DNAH3: variants seen among roughly 807,000 people sequenced by gnomAD.
The protein encoded by DNAH3 is axonemal beta dynein heavy chain 3.
Under a neutral mutation model 432.5 loss-of-function variants are expected in DNAH3, and 332 were observed. That is an observed-to-expected ratio of 0.77 (90% confidence interval 0.70 to 0.84). The LOEUF (loss-of-function observed/expected upper bound fraction) is 0.84, where lower values mean the gene tolerates loss of function less well. Ranked by LOEUF, DNAH3 falls within the 40% of genes least tolerant of loss-of-function variation. The pLI is 0.00. For synonymous variants in DNAH3, 1,956 were observed against 1,900.2 expected (o/e 1.03, Z -0.76); for missense variants, 4,861 against 5,114.0 (o/e 0.95, Z 1.51).
chr16:20,987,327 C>T, exon 47 of DNAH3: 1 of 1,614,158 alleles, frequency 6.2e-7, no homozygotes, highest in Non-Finnish European at 8.5e-7. Context: ...CTGCTTGAAG[C>T]AATTGGAGGT....
At chr16:21,105,143 G>A (rs778896080) in intron 15 of DNAH3, among the ~76,000 whole-genome samples, 1 of 152,088 alleles carries the variant, frequency 6.6e-6, no homozygotes, top group Non-Finnish European at 1.5e-5. Context: ...GAGAGTCCAC[G>A]GTGTATCCAG....
At chr16:21,093,307 A>G (rs2091590319) in intron 18 of DNAH3, among the ~76,000 whole-genome samples, 2 of 152,244 alleles carry the variant, frequency 1.3e-5, no homozygotes, top group Non-Finnish European at 2.9e-5. Flanking sequence ...GTGAAATTCA[A>G]AAACATACAT....
intron 20 of DNAH3, among the ~76,000 whole-genome samples, chr16:21,080,044 C>T (rs561323828): frequency 6.6e-6 from 1 of 152,310 alleles, no homozygotes; most frequent in East Asian, 1.9e-4. Flanking sequence ...CGCCTGTAAT[C>T]CCAGCACTTT....
chr16:20,952,396 T>C (rs773294333), intron 56 of DNAH3, 37 bp downstream of exon 56: 29 of 1,260,530 alleles, frequency 2.3e-5, no homozygotes, highest in Admixed American at 1.7e-4. Context: ...AACATGATAC[T>C]GGAGGTTTAC....
intron 49 of DNAH3, among the ~76,000 whole-genome samples, chr16:20,980,279 A>G (rs1567572074): frequency 1.5e-5 from 2 of 137,896 alleles, no homozygotes; most frequent in Non-Finnish European, 3.1e-5. Flanking sequence ...AATATACATC[A>G]TATATTATAA....
chr16:21,099,388 A>T (rs1186151543), intron 16 of DNAH3, among the ~76,000 whole-genome samples: 2 of 152,220 alleles, frequency 1.3e-5, no homozygotes, highest in Non-Finnish European at 2.9e-5. Flanking sequence ...AAGAAAATAA[A>T]ATAGGGCAGA....
Position 20,991,328 on chromosome 16 carries a change from C to G in DNAH3, c.6602-3263G>C, listed in dbSNP as rs1296410930. Among the ~76,000 whole-genome samples the G allele has an allele frequency of 3.9e-5, 6 of 152,006 alleles. No individual in the cohort carries two copies. In the East Asian group the frequency reaches 1.2e-3, roughly 29 times the overall value. On this transcript the variant is annotated intron_variant, in intron 44 of 61. Transcript: ENST00000261383. The stretch of plus-strand genomic sequence containing the variant: ...TTGCACAGTCTAGAGTGCAGTGGCA[C>G]GATCTCGGCTCACAGCAACCTCCAC...
intron 31 of DNAH3, among the ~76,000 whole-genome samples, chr16:21,043,448 T>G (rs330146): frequency 8.4e-6 from 1 of 119,540 alleles, no homozygotes; most frequent in Non-Finnish European, 1.7e-5. Flanking sequence ...TTTCATGTGT[T>G]TTTTGGCTGC....
exon 53 of DNAH3, chr16:20,964,984 G>T: frequency 1.2e-6 from 2 of 1,614,038 alleles, no homozygotes; most frequent in South Asian, 1.1e-5. Context: ...CAGTTTCTCT[G>T]CCCTGACCAG....
At chr16:20,949,307 A>G (rs913934790) in intron 56 of DNAH3, among the ~76,000 whole-genome samples, 6 of 151,288 alleles carry the variant, frequency 4.0e-5, no homozygotes, top group African/African-American at 1.5e-4. Flanking sequence ...AGCCTGGGCA[A>G]CAAGAGCGAA....
intron 23 of DNAH3, 147 bp downstream of exon 23, chr16:21,069,265 TAAC>T (rs1266670845): frequency 4.0e-6 from 3 of 741,380 alleles, no homozygotes; most frequent in African/African-American, 1.8e-5. Flanking sequence ...TTTTTAATAA[TAAC>T]AACTTCTGAA....
intron 18 of DNAH3, 130 bp from the exon 19 acceptor site, chr16:21,087,190 C>G: frequency 1.3e-6 from 1 of 746,544 alleles, no homozygotes; most frequent in Non-Finnish European, 2.2e-6. Context: ...CTTTGAGGAT[C>G]TGAAACCTGC....
At chr16:21,096,368 G>A (rs1034039621) in intron 18 of DNAH3, among the ~76,000 whole-genome samples, 2 of 151,978 alleles carry the variant, frequency 1.3e-5, no homozygotes, top group Non-Finnish European at 1.5e-5. Context: ...CTGGGCTCAT[G>A]CAATCCCCCT....
chr16:20,986,755 T>G (rs2086219440), intron 47 of DNAH3, among the ~76,000 whole-genome samples: 1 of 152,178 alleles, frequency 6.6e-6, no homozygotes. Flanking sequence ...TAGAACCCAG[T>G]GACGCTTTTG....
intron 19 of DNAH3, among the ~76,000 whole-genome samples, chr16:21,085,860 T>A (rs935188710): frequency 4.6e-5 from 7 of 152,052 alleles, no homozygotes; most frequent in Non-Finnish European, 8.8e-5. Flanking sequence ...CTTGACATCC[T>A]TGGCCCAAGC....
chr16:20,997,190 A>G (rs1176069902), intron 44 of DNAH3, 93 bp downstream of exon 44: 6 of 1,337,154 alleles, frequency 4.5e-6, no homozygotes, highest in Non-Finnish European at 6.2e-6. Context: ...GTTTGGCAGG[A>G]CAGACTGTGG....
chr16:21,057,174 G>A lies in DNAH3; in HGVS notation c.3924+912C>T, dbSNP rs139895709. Among the ~76,000 whole-genome samples the A allele has an allele frequency of 1.9e-3, 294 of 152,264 alleles. 3 individuals are homozygous for A. The highest frequency in any genetic ancestry group is 5.9e-3 in the Admixed American group (90 of 15,296). On this transcript the variant is annotated intron_variant, in intron 27 of 61. Coordinates refer to ENST00000261383, the Ensembl canonical transcript of DNAH3. ...GTGGCTCCCAGCACTTTGGGAGGCT[G>A]AGGCAAGGAGGATTGCTTGAGGCCA... is the stretch of plus-strand genomic sequence containing the variant.
chr16:20,948,773 T>C, intron 56 of DNAH3, 136 bp from the exon 57 acceptor site: 2 of 969,532 alleles, frequency 2.1e-6, no homozygotes, highest in Non-Finnish European at 3.0e-6. Context: ...AGCAGGAAAA[T>C]TCCGGGCAGA....
intron 56 of DNAH3, among the ~76,000 whole-genome samples, chr16:20,950,598 A>G (rs931625423): frequency 3.9e-5 from 6 of 152,150 alleles, no homozygotes; most frequent in African/African-American, 1.4e-4. Context: ...TCACAGGTAT[A>G]CAGTGTCTGC....
Sources: allele counts gnomAD v4.1 joint callset (sites outside exome capture counted in the v4.1 genomes callset), GRCh38; gene constraint gnomAD v4.1.1; transcripts MANE v1.5; gene names NCBI Gene and HGNC (gene_info 2026-07-23, HGNC 2026-07-21).